Variants in PRMT8 observed in about 807,000 individuals in gnomAD.
PRMT8 encodes protein arginine N-methyltransferase 8.
PRMT8 carries 7 observed loss-of-function variants against 47.1 expected under a neutral mutation model. That is an observed-to-expected ratio of 0.15 (90% CI 0.08 to 0.28). The LOEUF (loss-of-function observed/expected upper bound fraction) is 0.28. Ranked by LOEUF, PRMT8 falls within the 10% of genes least tolerant of loss-of-function variation. The pLI, the probability that PRMT8 is intolerant of heterozygous loss-of-function variation, is 1.00. For synonymous variants in PRMT8, 188 were observed against 186.5 expected, an observed-to-expected ratio of 1.01 and a Z score of -0.07; for missense variants, 237 against 505.4, an observed-to-expected ratio of 0.47 and a Z score of 5.09.
At chr12:3,489,816 C>CAG (rs1256104047), upstream of PRMT8, among the ~76,000 whole-genome samples, 13 of 140,774 alleles carry the variant, frequency 9.2e-5, no homozygotes, top group East Asian at 2.9e-3. Flanking sequence ...TTCACACACA[C>CAG]ACACACACAC....
intron 3 of PRMT8, 58 bp from the exon 4 acceptor site, chr12:3,553,593 G>T (rs1866467123): frequency 7.2e-7 from 1 of 1,397,834 alleles, no homozygotes; most frequent in Non-Finnish European, 1.0e-6. Context: ...TTGAATCGGT[G>T]TGGGTCTTGC....
chr12:3,394,856 T>G (rs1485954312), intron 1 of PRMT8, among the ~76,000 whole-genome samples: 1 of 151,294 alleles, frequency 6.6e-6, no homozygotes, highest in Non-Finnish European at 1.5e-5. Flanking sequence ...TCTTTTTGGT[T>G]GGTAAGCTAT....
chr12:3,393,789 G>A (rs368781058), intron 1 of PRMT8, among the ~76,000 whole-genome samples: 14 of 116,858 alleles, frequency 1.2e-4, no homozygotes, highest in South Asian at 3.4e-4. Flanking sequence ...CATTGAATCT[G>A]TAAATTACCT....
chr12:3,576,818 G>A lies in PRMT8; in HGVS notation c.713-53G>A. The A allele has an allele frequency of 6.9e-7, 1 of 1,456,060 alleles. No homozygotes were observed. The highest frequency in any genetic ancestry group is 9.6e-7 in the Non-Finnish European group (1 of 1,040,462). 90.2% of individuals were successfully genotyped at this position (1,456,060 alleles called of 1,614,324 possible). ...GTGCTCTAGGACTCAGGAGGGTTGG[G>A]TGAGCTTCTGGGGGTCCTGCGCCTG... On this transcript the variant is annotated intron_variant, in intron 6 of 9. Transcript: ENST00000382622. This position sits in a 1 kb window ranked among gnomAD's most constrained non-coding sequence, Gnocchi z 4.0.
intron 1 of PRMT8, among the ~76,000 whole-genome samples, chr12:3,465,957 A>C (rs1447188932): frequency 6.6e-6 from 1 of 152,148 alleles, no homozygotes; most frequent in South Asian, 2.1e-4. Context: ...CCCAGAGAGA[A>C]ACTCTACATA....
rs141274420 is a variant in PRMT8 at position 3,589,086 on chromosome 12, G to A, written c.980-3145G>A. On this transcript the variant is annotated intron_variant, in intron 8 of 9. Coordinates refer to ENST00000382622, the MANE Select transcript of PRMT8 (RefSeq NM_019854.5). ...TAATAAAATCATATACCACTCTAAT[G>A]ACCAAAGACTTGCCTGATGCAATGG... is the stretch of plus-strand genomic sequence containing the variant. 5.3e-3 allele frequency among the ~76,000 whole-genome samples: 805 copies of A among 152,326 alleles called. 3 individuals carry two copies. Among genetic ancestry groups the A allele is most frequent in the African/African-American group, 0.018 (743 of 41,560 alleles).
At chr12:3,451,294 T>G (rs1864916658) in intron 1 of PRMT8, among the ~76,000 whole-genome samples, 1 of 152,092 alleles carries the variant, frequency 6.6e-6, no homozygotes, top group Non-Finnish European at 1.5e-5. Flanking sequence ...ATGAGCATAT[T>G]TAGCCCAGAA....
intron 1 of PRMT8, among the ~76,000 whole-genome samples, chr12:3,446,971 A>G (rs1270307872): frequency 1.3e-5 from 2 of 152,160 alleles, no homozygotes; most frequent in African/African-American, 4.8e-5. Context: ...CTAACCATAC[A>G]TCCCCTTTAT....
Position 3,493,334 on chromosome 12 carries a change from C to T in PRMT8, c.75+1634C>T, listed in dbSNP as rs1321239376. Among the ~76,000 whole-genome samples the T allele has an allele frequency of 6.6e-6, 1 of 152,180 alleles. No homozygotes were observed. Among genetic ancestry groups the T allele is most frequent in the Non-Finnish European group, 1.5e-5 (1 of 68,030 alleles). On this transcript the variant is annotated intron_variant, in intron 1 of 9. Coordinates refer to ENST00000382622, the MANE Select transcript of PRMT8 (RefSeq NM_019854.5). The surrounding 1 kb of genome is among the most constrained non-coding windows in gnomAD (Gnocchi z 8.2). ...CCTCACCCTCCGCCCTCTGATCGCC[C>T]ACCCGCCGAAAGGGTTTCTAAAAAT...
intron 1 of PRMT8, among the ~76,000 whole-genome samples, chr12:3,515,713 G>A (rs560218921): frequency 6.6e-5 from 10 of 152,276 alleles, no homozygotes; most frequent in Admixed American, 2.0e-4. Context: ...GGGTATTTAC[G>A]GTCTCTGCAC....
chr12:3,470,167 G>A (rs1865144647), intron 1 of PRMT8, among the ~76,000 whole-genome samples: 1 of 152,168 alleles, frequency 6.6e-6, no homozygotes, highest in African/African-American at 2.4e-5. Context: ...TGAAACCCCT[G>A]GTTTCAAATA....
chr12:3,568,304 G>A (rs1866766431), intron 4 of PRMT8, among the ~76,000 whole-genome samples: 1 of 151,598 alleles, frequency 6.6e-6, no homozygotes, highest in Non-Finnish European at 1.5e-5. Context: ...TCTCAGGGGT[G>A]GCTGGAAGAG....
intron 4 of PRMT8, among the ~76,000 whole-genome samples, chr12:3,567,932 G>A (rs979002775): frequency 1.5e-4 from 23 of 152,228 alleles, no homozygotes; most frequent in Admixed American, 9.8e-4. Flanking sequence ...AATTAGCCGG[G>A]CGTGGTGGCA....
At position 3,406,528 on chromosome 12, in the gene PRMT8, CT is replaced by C. The variant is rs578167771; in HGVS notation, c.48+25088del. Among the ~76,000 whole-genome samples, 148 of 152,254 alleles carry C rather than the reference CT, an allele frequency of 9.7e-4. 1 individual carries two copies. The highest frequency in any genetic ancestry group is 3.5e-3 in the African/African-American group (144 of 41,552). On this transcript the variant is annotated intron_variant, in intron 1 of 9. Coordinates refer to the PRMT8 transcript ENST00000452611. ...TGAATGCTTTGCCACTTAGAAATTT[CT>C]TCTGTCAGATACCCTAAATCATCTC...
chr12:3,556,836 T>C (rs1208390997), intron 4 of PRMT8, among the ~76,000 whole-genome samples: 3 of 151,326 alleles, frequency 2.0e-5, no homozygotes, highest in African/African-American at 7.3e-5. Context: ...AGTGGAGGGG[T>C]GGTCTTTGCC....
intron 7 of PRMT8, among the ~76,000 whole-genome samples, chr12:3,578,371 C>T (rs900759176): frequency 2.4e-4 from 36 of 152,074 alleles, no homozygotes; most frequent in East Asian, 9.6e-4. Context: ...ACTACGGCTA[C>T]GTGCCACCAG....
chr12:3,528,920 C>G lies in PRMT8; in HGVS notation c.76-11686C>G, dbSNP rs542004356. The stretch of plus-strand genomic sequence containing the variant: ...CAACAAAACACCTCTTCTGAGTATT[C>G]ATGAATTATGAAGTTTTTACTCTGG... On this transcript the variant is annotated intron_variant, in intron 1 of 9. Transcript: ENST00000382622. Among the ~76,000 whole-genome samples, 215 of 152,288 alleles carry G rather than the reference C, an allele frequency of 1.4e-3. 1 individual carries two copies. The highest frequency in any genetic ancestry group is 2.6e-3 in the Non-Finnish European group (177 of 68,016).
chr12:3,560,790 C>A (rs879611572), intron 4 of PRMT8, among the ~76,000 whole-genome samples: 2 of 152,204 alleles, frequency 1.3e-5, no homozygotes, highest in Non-Finnish European at 2.9e-5. Flanking sequence ...GCCTCTGCAA[C>A]TTAATGGTAG....
At chr12:3,582,940 A>C in intron 7 of PRMT8, 118 bp from the exon 8 acceptor site, 1 of 1,241,686 alleles carries the variant, frequency 8.1e-7, no homozygotes. Flanking sequence ...CCCCAAGAAT[A>C]AAGATATCCC....
Sources: gnomAD v4.1 joint callset for allele counts (sites outside exome capture counted in the v4.1 genomes callset) on GRCh38, gnomAD v4.1.1 for gene constraint, Gnocchi (gnomAD v3.1) non-coding constraint, MANE v1.5 for transcripts, NCBI Gene and HGNC (gene_info 2026-07-23, HGNC 2026-07-21) for gene names.